The following KPTN variants were observed in gnomAD, a reference collection of about 807,000 sequenced individuals.
KPTN encodes KICSTOR complex protein kaptin.
KPTN carries 36 observed loss-of-function variants against 52.6 expected under a neutral mutation model. The ratio of observed to expected loss-of-function variants is 0.68; its 90% CI spans 0.52 to 0.90. KPTN has a LOEUF of 0.90. KPTN is among the 40% of genes least tolerant of loss of function. The probability of loss-of-function intolerance (pLI) is 0.00; values close to 1 mark genes in which losing one functional copy is unlikely to be tolerated. For synonymous variants in KPTN, 271 were observed against 248.4 expected, an observed-to-expected ratio of 1.09 and a Z score of -0.85; for missense variants, 529 against 576.2, an observed-to-expected ratio of 0.92 and a Z score of 0.84.
At chr19:47,485,709 A>T (rs143498809), upstream of KPTN, among the ~76,000 whole-genome samples, 1 of 152,340 alleles carries the variant, frequency 6.6e-6, no homozygotes, top group Non-Finnish European at 1.5e-5. Flanking sequence ...GAAAGTTCTC[A>T]AAGGCAGACT....
chr19:47,475,633 G>T, intron 11 of KPTN, 89 bp from the exon 12 acceptor site: 1 of 1,515,500 alleles, frequency 6.6e-7, no homozygotes, highest in Non-Finnish European at 9.0e-7. Flanking sequence ...AACTCCAAAG[G>T]CCAGGAGCTC....
Position 47,475,537 on chromosome 19 carries a change from A to T in KPTN, c.1190T>A (p.Leu397Gln), listed in dbSNP as rs778094127. Residue 397 changes from leucine (L) to glutamine (Q), a missense_variant, in exon 12 of 12, where the codon CTG becomes CAG. By Grantham distance (113) the Leu-to-Gln change is moderately radical. Coordinates refer to ENST00000338134, the MANE Select transcript of KPTN (RefSeq NM_007059.4). The stretch of plus-strand genomic sequence containing the variant: ...CAAGACCAGCTCTGAGGCCTGAATC[A>T]GGCTGTGCTGTGGGGAACAAGAGAA... ...LKGVHILQHS[L>Q]IQASELVLTR... 6.2e-7 allele frequency: 1 copy of T among 1,611,768 alleles called. No homozygotes were observed. Among genetic ancestry groups the T allele is most frequent in the South Asian group, 1.1e-5 (1 of 91,040 alleles).
chr19:47,480,760 C>CTA lies in KPTN; in HGVS notation c.597_598dup (p.Ser200IlefsTer55), dbSNP rs766372684. Reference sequence around the variant, plus strand: ...TGGCCTCTTTCGGGGCCTCTCCTACCTACTGGTCAGGTTCGTCAGCTCTGG... The same window carrying CTA: ...TGGCCTCTTTCGGGGCCTCTCCTACCTATACTGGTCAGGTTCGTCAGCTCTGG... On this transcript the variant is annotated frameshift_variant and splice_region_variant, in exon 6 of 12. Transcript: ENST00000338134. LOFTEE classifies it high-confidence loss of function. 197 of 1,613,892 alleles carry CTA rather than the reference C, an allele frequency of 1.2e-4. No individual in the cohort carries two copies. Among genetic ancestry groups the CTA allele is most frequent in the Non-Finnish European group, 1.5e-4 (178 of 1,179,932 alleles).
chr19:47,475,552 G>C lies in KPTN; in HGVS notation c.1183-8C>G, dbSNP rs374874554. 2 of 1,611,204 alleles carry C rather than the reference G, an allele frequency of 1.2e-6. No individual in the cohort carries two copies. The highest frequency in any genetic ancestry group is 1.1e-5 in the South Asian group (1 of 91,028). On this transcript the variant is annotated splice_polypyrimidine_tract_variant and splice_region_variant and intron_variant, in intron 11 of 11. Coordinates refer to ENST00000338134, the MANE Select transcript of KPTN (RefSeq NM_007059.4). ...GGCCTGAATCAGGCTGTGCTGTGGG[G>C]AACAAGAGAATGAGGGGGATGGAGC...
intron 4 of KPTN, among the ~76,000 whole-genome samples, chr19:47,482,206 C>T (rs780005613): frequency 3.3e-5 from 5 of 152,162 alleles, no homozygotes; most frequent in South Asian, 2.1e-4. Flanking sequence ...CATGATGCTC[C>T]GGCCAGGCGT....
intron 9 of KPTN, among the ~76,000 whole-genome samples, chr19:47,477,451 T>C (rs889946784): frequency 1.3e-5 from 2 of 152,142 alleles, no homozygotes; most frequent in African/African-American, 4.8e-5. Flanking sequence ...AGCCAGTGAT[T>C]AACCATTTTC....
intron 7 of KPTN, 73 bp from the exon 8 acceptor site, chr19:47,480,013 TC>T: frequency 7.8e-7 from 1 of 1,280,090 alleles, no homozygotes; most frequent in Non-Finnish European, 1.1e-6. Context: ...CCATCGACTT[TC>T]CGCCCCCACC....
rs886969754 is a variant in KPTN at position 47,481,128 on chromosome 19, C to T, written c.450-95G>A. ...TGCAAAAACCCCTGCCTGTTGAGAACCTTAACATTCTGGGATCCAGACACT... is the reference window on the plus strand; with the variant it reads ...TGCAAAAACCCCTGCCTGTTGAGAATCTTAACATTCTGGGATCCAGACACT... On this transcript the variant is annotated intron_variant, in intron 4 of 11. Coordinates refer to ENST00000338134, the MANE Select transcript of KPTN (RefSeq NM_007059.4). 1.1e-5 allele frequency: 11 copies of T among 974,562 alleles called. No individual in the cohort carries two copies. The African/African-American group carries it at 1.1e-4, about 10-fold the overall frequency. The allele number at this position is 974,562 out of a possible 1,614,324, so 60.4% of individuals were successfully genotyped here. A position where few individuals can be genotyped will look rare whatever the true frequency, so the allele number is the denominator to read the frequency against.
rs549545571 is a variant in KPTN, at chr19:47,484,154, C to G, written c.7G>C (p.Gly3Arg). The G allele has an allele frequency of 5.6e-6, 9 of 1,596,520 alleles. No individual in the cohort carries two copies. Among genetic ancestry groups the G allele is most frequent in the Non-Finnish European group, 7.6e-6 (9 of 1,178,306 alleles). The change falls in exon 1 of 12, where the codon GGG becomes CGG. Residue 3 changes from glycine to arginine, a missense_variant. Physicochemically the swap from Gly to Arg is moderately radical, Grantham distance 125. Transcript: ENST00000338134. Reference sequence around the variant, plus strand: ...GGCCCCGCGGCCACGGCCGCCTCCCCCATCATGCCCCTCAGTTAAGCACCC... The same window carrying G: ...GGCCCCGCGGCCACGGCCGCCTCCCGCATCATGCCCCTCAGTTAAGCACCC... The part of the protein sequence containing the change: MM[G>R]EAAVAAGPCP...
intron 4 of KPTN, among the ~76,000 whole-genome samples, chr19:47,482,002 T>C (rs566594038): frequency 6.6e-6 from 1 of 152,364 alleles, no homozygotes; most frequent in East Asian, 1.9e-4. Flanking sequence ...GTTGGAATCT[T>C]AGAGCCTACG....
At chr19:47,480,723 C>T (rs1277896424) in intron 6 of KPTN, 37 bp downstream of exon 6, 2 of 1,590,606 alleles carry the variant, frequency 1.3e-6, no homozygotes, top group South Asian at 2.2e-5. Flanking sequence ...ATGTCAGTGC[C>T]CCGGTCCCCA....
At chr19:47,476,979 G>A (rs923828579) in intron 9 of KPTN, 41 bp from the exon 10 acceptor site, 1 of 1,542,166 alleles carries the variant, frequency 6.5e-7, no homozygotes, top group Non-Finnish European at 8.8e-7. Flanking sequence ...GGGTCAGCTT[G>A]CAGTGCCCAG....
intron 2 of KPTN, 37 bp downstream of exon 2, chr19:47,483,465 G>C: frequency 1.3e-6 from 2 of 1,596,842 alleles, no homozygotes; most frequent in South Asian, 1.1e-5. Flanking sequence ...TGTGTGTAAG[G>C]AGGAGGGCGA....
At chr19:47,479,636 T>C (rs1206605977) in intron 8 of KPTN, among the ~76,000 whole-genome samples, 3 of 151,874 alleles carry the variant, frequency 2.0e-5, no homozygotes, top group Admixed American at 6.6e-5. Flanking sequence ...AGAAAAGATA[T>C]GGGTTAGGCC....
intron 1 of KPTN, 125 bp downstream of exon 1, chr19:47,483,810 G>A: frequency 7.5e-7 from 1 of 1,338,178 alleles, no homozygotes; most frequent in Non-Finnish European, 1.0e-6. Context: ...GCTGATCCCA[G>A]TGACCCCCTT....
At position 47,483,520 on chromosome 19, in the gene KPTN, C is replaced by A; in HGVS notation, c.291G>T (p.Val97=). The A allele has an allele frequency of 6.3e-7, 1 of 1,589,316 alleles. No homozygotes were observed. Among genetic ancestry groups the A allele is most frequent in the Non-Finnish European group, 8.6e-7 (1 of 1,167,478 alleles). Residue 97 remains valine (V), a synonymous_variant, in exon 2 of 12, where the codon GTG becomes GTT. Coordinates refer to ENST00000338134, the MANE Select transcript of KPTN (RefSeq NM_007059.4). Reference sequence around the variant, plus strand: ...TAGGTACCTTGATGAACGTGATCCCCACAACCAGACCCCGCTTGGGGGGTG... The same window carrying A: ...TAGGTACCTTGATGAACGTGATCCCAACAACCAGACCCCGCTTGGGGGGTG... The part of the protein sequence containing the change: ...NKSPPKRGLV[V]GITFIKDSGD...
chr19:47,483,869 A>T, intron 1 of KPTN, 66 bp downstream of exon 1: 2 of 1,594,152 alleles, frequency 1.3e-6, no homozygotes, highest in Non-Finnish European at 1.7e-6. Context: ...GCTCAGACAG[A>T]GCCTCAGAAG....
chr19:47,484,232 G>T, upstream of KPTN: 1 of 1,480,178 alleles, frequency 6.8e-7, no homozygotes, highest in South Asian at 1.3e-5. Flanking sequence ...CTCTCTAAGC[G>T]ACCTGAACCG....
At chr19:47,484,368 C>T, upstream of KPTN, 1 of 607,894 alleles carries the variant, frequency 1.6e-6, no homozygotes, top group Admixed American at 3.0e-5. Context: ...CGCCCGCGCT[C>T]TCTTCTCCTT....
Sources: gnomAD v4.1 joint callset for allele counts (sites outside exome capture counted in the v4.1 genomes callset) on GRCh38, gnomAD v4.1.1 for gene constraint, MANE v1.5 for transcripts, NCBI Gene and HGNC (gene_info 2026-07-23, HGNC 2026-07-21) for gene names.